Variants in MCM3AP observed in about 807,000 individuals in gnomAD.
MCM3AP encodes minichromosome maintenance complex component 3 associated protein, also known as germinal-center associated nuclear protein.
A neutral mutation model predicts 184.1 loss-of-function variants in MCM3AP; 126 were observed. The observed-to-expected ratio is 0.68, with a 90% confidence interval of 0.59 to 0.79. The LOEUF (loss-of-function observed/expected upper bound fraction) is 0.79. Ranked by LOEUF, MCM3AP falls within the 30% of genes least tolerant of loss-of-function variation. The probability of loss-of-function intolerance (pLI) is 0.00; values close to 1 mark genes in which losing one functional copy is unlikely to be tolerated. For missense variants in MCM3AP, 2,496 were observed against 2,479.2 expected (o/e 1.01, Z -0.14); for synonymous variants, 1,002 against 979.3 (o/e 1.02, Z -0.43).
intron 12 of MCM3AP, among the ~76,000 whole-genome samples, 191 bp downstream of exon 12, chr21:46,265,130 G>T (rs1475384520): frequency 6.6e-6 from 1 of 152,250 alleles, no homozygotes; most frequent in Non-Finnish European, 1.5e-5. Context: ...AAGCTCCTGA[G>T]ATGAAGACGG....
chr21:46,249,316 C>T (rs7275268), intron 20 of MCM3AP, among the ~76,000 whole-genome samples: 17 of 152,136 alleles, frequency 1.1e-4, no homozygotes, highest in African/African-American at 3.9e-4. Flanking sequence ...GCTTCCCAAG[C>T]TACTAGAACT....
chr21:46,254,661 G>C lies in MCM3AP; in HGVS notation c.4001+115C>G, dbSNP rs749595590. On this transcript the variant is annotated intron_variant, in intron 18 of 27. Transcript: ENST00000291688. ...GATTGAACTGCAAACTAGAAACCAA[G>C]TCTGGAGCTCATCGAAGAGACCTCA... 6.3e-4 allele frequency: 898 copies of C among 1,417,332 alleles called. 2 individuals are homozygous for C. The highest frequency in any genetic ancestry group is 8.1e-4 in the Non-Finnish European group (816 of 1,012,684). 87.8% of individuals were successfully genotyped at this position (1,417,332 alleles called of 1,614,324 possible).
At chr21:46,257,245 C>T (rs184786084) in intron 16 of MCM3AP, among the ~76,000 whole-genome samples, 23 of 152,042 alleles carry the variant, frequency 1.5e-4, no homozygotes, top group Non-Finnish European at 2.9e-4. Context: ...GAGGCCAAGG[C>T]GGGCGGACTG....
intron 23 of MCM3AP, 82 bp downstream of exon 23, chr21:46,244,725 T>G: frequency 6.8e-7 from 1 of 1,462,920 alleles, no homozygotes; most frequent in Non-Finnish European, 9.3e-7. Flanking sequence ...GCCCAACACC[T>G]GCCAGACGGT....
In MCM3AP at chr21:46,280,511, T is replaced by G; in HGVS notation, c.1508A>C (p.His503Pro). The G allele has an allele frequency of 6.2e-7, 1 of 1,610,178 alleles. No individual in the cohort carries two copies. Among genetic ancestry groups the G allele is most frequent in the Non-Finnish European group, 8.5e-7 (1 of 1,177,446 alleles). The change falls in exon 3 of 28, where the codon CAC (histidine) becomes CCC (proline). Residue 503 changes from histidine (H) to proline (P), a missense_variant. By Grantham distance (77) the His-to-Pro change is moderately conservative. This residue lies in a region of MCM3AP where 800 missense variants were observed against 717.1 expected (regional missense o/e 1.12). Transcript: ENST00000291688. Reference protein sequence around the residue: ...SLHKDMAIFWHRKKISPNKKP... With the variant: ...SLHKDMAIFWPRKKISPNKKP... ...TGAAAACTCACTTATTTTCTTCCTG[T>G]GCCAAAAGATAGCCATGTCTTTATG...
intron 27 of MCM3AP, 55 bp from the exon 28 acceptor site, chr21:46,235,481 T>TA: frequency 6.8e-7 from 1 of 1,473,664 alleles, no homozygotes; most frequent in Middle Eastern, 1.7e-4. Flanking sequence ...AACCACGACC[T>TA]ATCTCTGGGA....
chr21:46,265,802 A>G, intron 11 of MCM3AP, 123 bp downstream of exon 11: 1 of 1,256,888 alleles, frequency 8.0e-7, no homozygotes, highest in Non-Finnish European at 1.1e-6. Context: ...GCCCCAAGAC[A>G]AGACAGGTGC....
Position 46,283,632 on chromosome 21 carries a change from C to T in MCM3AP, c.1426G>A (p.Val476Ile). The T allele has an allele frequency of 6.2e-7, 1 of 1,613,260 alleles. No individual in the cohort carries two copies. The highest frequency in any genetic ancestry group is 1.1e-5 in the South Asian group (1 of 91,052). ...FTRRSKKLAVVHFFDHASAAL... is the reference protein window; with the variant it reads ...FTRRSKKLAVIHFFDHASAAL... ...GTACTCACATGATCAAAGAAATGTA[C>T]CACTGCAAGCTTTTTGCTGCGCCTG... Residue 476 changes from valine (V) to isoleucine (I), a missense_variant, in exon 2 of 28, where the codon GTA becomes ATA. Physicochemically the swap from Val to Ile is conservative, Grantham distance 29. Around this residue, in one of 5 missense-constraint regions of MCM3AP, gnomAD observed 800 missense variants for 717.1 expected, o/e 1.12. Coordinates refer to ENST00000291688, the MANE Select transcript of MCM3AP (RefSeq NM_003906.5).
intron 9 of MCM3AP, among the ~76,000 whole-genome samples, chr21:46,269,412 A>T (rs1006470186): frequency 2.6e-5 from 4 of 152,276 alleles, no homozygotes; most frequent in Admixed American, 2.6e-4. Context: ...GAGCCAAAGC[A>T]CCCAGCCAAT....
chr21:46,265,303 G>GA lies in MCM3AP; in HGVS notation c.3234+17dup, dbSNP rs755178595. ...ATGGGCTTCCCAGAGTCCAGACCTA[G>GA]AAAAAAAGAGTCCCTACCTCGTCAG... On this transcript the variant is annotated intron_variant, in intron 12 of 27. Transcript: ENST00000291688. 2 of 1,612,252 alleles carry GA rather than the reference G, an allele frequency of 1.2e-6. No individual in the cohort carries two copies. The highest frequency in any genetic ancestry group is 1.1e-5 in the South Asian group (1 of 91,044).
At position 46,285,311 on chromosome 21, in the gene MCM3AP, A is replaced by C; in HGVS notation, c.-25T>G. On this transcript the variant is annotated 5_prime_UTR_variant, in exon 1 of 28. In the 5' UTR this introduces an upstream ATG that the reference lacks. Coordinates refer to ENST00000291688, the MANE Select transcript of MCM3AP (RefSeq NM_003906.5). ...TCTTCTGCTCCAATTATTAGAAGGT[A>C]ATTAAGTATTATGTGTACAAAATTA... The C allele has an allele frequency of 4.6e-6, 7 of 1,532,402 alleles. No homozygotes were observed. The highest frequency in any genetic ancestry group is 6.3e-6 in the Non-Finnish European group (7 of 1,108,764). 94.9% of individuals were successfully genotyped at this position (1,532,402 alleles called of 1,614,324 possible).
At chr21:46,265,203 C>T (rs2081093278) in intron 12 of MCM3AP, 118 bp downstream of exon 12, 2 of 888,166 alleles carry the variant, frequency 2.3e-6, no homozygotes, top group African/African-American at 1.7e-5. Flanking sequence ...GGCAGGACCC[C>T]TCTCTGGACT....
At chr21:46,257,823 G>A (rs2080980367) in intron 16 of MCM3AP, among the ~76,000 whole-genome samples, 2 of 151,826 alleles carry the variant, frequency 1.3e-5, no homozygotes, top group African/African-American at 4.8e-5. Flanking sequence ...TACTCAGGAG[G>A]CTGAGGCAGA....
In MCM3AP at chr21:46,279,977, G is replaced by A. The variant is rs1490734098; in HGVS notation, c.1667+16C>T. The stretch of plus-strand genomic sequence containing the variant: ...GGTCCTTCCGGAATAAGGTCATTAG[G>A]AGGGACCGATCCCACCTTTTATTCA... On this transcript the variant is annotated intron_variant, in intron 4 of 27. Transcript: ENST00000291688. The A allele has an allele frequency of 3.1e-6, 5 of 1,606,060 alleles. No homozygotes were observed. The South Asian group carries it at 3.3e-5, about 11-fold the overall frequency.
Position 46,280,022 on chromosome 21 carries a change from C to T in MCM3AP, c.1638G>A (p.Arg546=). The T allele has an allele frequency of 6.2e-7, 1 of 1,613,834 alleles. No individual in the cohort carries two copies. Residue 546 remains arginine, a synonymous_variant, in exon 4 of 28, where the codon AGG becomes AGA. Transcript: ENST00000291688. The part of the protein sequence containing the change: ...QHSPLGKAAG[R]TGASSLLNKS... ...TATTCAGGAGGCTGCTAGCACCAGT[C>T]CTCCCTGCGGCCTTGCCAAGAGGAG...
rs1815641896 is a variant in MCM3AP at position 46,256,944 on chromosome 21, T to A, written c.3777A>T (p.Gln1259His). ...AVTARKKLRR[Q>H]MRAFPAAPCC... is the part of the protein sequence containing the mutation. ...AGGGCGCAGCAGGGAAAGCCCGCATTTGGCGCCTCAGTTTCTTGCGGGCTG... is the reference window on the plus strand; with the variant it reads ...AGGGCGCAGCAGGGAAAGCCCGCATATGGCGCCTCAGTTTCTTGCGGGCTG... The change falls in exon 17 of 28, where the codon CAA (glutamine) becomes CAT (histidine). Residue 1259 changes from glutamine (Q) to histidine (H), a missense_variant. By Grantham distance (24) the Gln-to-His change is conservative. Around this residue, in one of 5 missense-constraint regions of MCM3AP, gnomAD observed 1,323 missense variants for 1,273.4 expected, o/e 1.04. Coordinates refer to ENST00000291688, the MANE Select transcript of MCM3AP (RefSeq NM_003906.5). The A allele has an allele frequency of 6.2e-7, 1 of 1,612,618 alleles. No individual in the cohort carries two copies. The highest frequency in any genetic ancestry group is 8.5e-7 in the Non-Finnish European group (1 of 1,179,392).
chr21:46,268,259 C>A (rs1161793984), intron 9 of MCM3AP, among the ~76,000 whole-genome samples: 2 of 152,068 alleles, frequency 1.3e-5, no homozygotes, highest in African/African-American at 4.8e-5. Flanking sequence ...AAAATCCGAA[C>A]AAAAATTCTG....
chr21:46,240,120 G>A (rs1267310358), intron 26 of MCM3AP, among the ~76,000 whole-genome samples: 1 of 152,176 alleles, frequency 6.6e-6, no homozygotes, highest in Non-Finnish European at 1.5e-5. Context: ...AGGGGTGGTA[G>A]CACGAGAGAG....
chr21:46,243,465 C>A lies in MCM3AP; in HGVS notation c.5296G>T (p.Glu1766Ter). ...WTPPRLPVTS[E>*]ALSEDGQICV... ...TCCCATTGCATCAAGCTCTAATTAC[C>A]TGATGTAACAGGAAGCCGGGGGGGC... The change falls in exon 24 of 28, where the codon GAG (glutamate) becomes TAG (stop). Residue 1766 changes from glutamate to a stop codon, truncating the protein, a stop_gained and splice_region_variant. Coordinates refer to ENST00000291688, the MANE Select transcript of MCM3AP (RefSeq NM_003906.5). LOFTEE classifies it high-confidence loss of function. 1 of 1,604,278 alleles carries A rather than the reference C, an allele frequency of 6.2e-7. No homozygotes were observed. The highest frequency in any genetic ancestry group is 8.5e-7 in the Non-Finnish European group (1 of 1,174,450).
Sources: gnomAD v4.1 joint callset for allele counts (sites outside exome capture counted in the v4.1 genomes callset) on GRCh38, gnomAD v4.1.1 for gene constraint, gnomAD v4.1.1 regional missense constraint, MANE v1.5 for transcripts, NCBI Gene and HGNC (gene_info 2026-07-23, HGNC 2026-07-21) for gene names.